Variants in MEGF10 observed in about 807,000 individuals in gnomAD.
MEGF10 encodes multiple epidermal growth factor-like domains protein 10.
In MEGF10, 86 loss-of-function variants were observed where a neutral mutation model predicts 147.5. That is an observed-to-expected ratio of 0.58 (90% CI 0.49 to 0.70). The LOEUF (loss-of-function observed/expected upper bound fraction) is 0.70, where lower values mean the gene tolerates loss of function less well. Among genes scored for constraint, MEGF10 ranks in the 30% least tolerant of loss-of-function variants. MEGF10 has a pLI of 0.00. For missense variants in MEGF10, 1,329 were observed against 1,487.3 expected (o/e 0.89, Z 1.75); for synonymous variants, 478 against 525.5 (o/e 0.91, Z 1.24).
chr5:127,242,557 T>A, the MEGF10 span, among the ~76,000 whole-genome samples: 1 of 152,176 alleles, frequency 6.6e-6, no homozygotes, highest in South Asian at 2.1e-4. Context: ...TAAAGTGGAT[T>A]TAAAATTCCA....
chr5:127,306,149 T>A (rs1257993403), intron 1 of MEGF10, among the ~76,000 whole-genome samples: 1 of 152,216 alleles, frequency 6.6e-6, no homozygotes, highest in Non-Finnish European at 1.5e-5. Context: ...TTGGCCAGGT[T>A]GTGCTATTTA....
chr5:127,247,187 T>A, the MEGF10 span, among the ~76,000 whole-genome samples: 4 of 142,350 alleles, frequency 2.8e-5, no homozygotes, highest in African/African-American at 5.2e-5. Flanking sequence ...TTTACAAAAT[T>A]TTAGACAAAA....
chr5:127,443,241 A>G (rs2127020390), intron 19 of MEGF10, 115 bp downstream of exon 19: 4 of 1,124,302 alleles, frequency 3.6e-6, no homozygotes, highest in South Asian at 4.6e-5. Flanking sequence ...ACAACTCTAA[A>G]TGGCATAATT....
intron 4 of MEGF10, among the ~76,000 whole-genome samples, chr5:127,367,256 G>A (rs1762691199): frequency 6.6e-6 from 1 of 152,126 alleles, no homozygotes; most frequent in African/African-American, 2.4e-5. Context: ...AAGAAAGGGA[G>A]AGCAGTGAAT....
chr5:127,343,115 G>A (rs762190724), intron 4 of MEGF10, among the ~76,000 whole-genome samples: 10 of 152,058 alleles, frequency 6.6e-5, no homozygotes, highest in Non-Finnish European at 1.3e-4. Context: ...TCTTGTTTGT[G>A]TTTTCATAGT....
At chr5:127,402,713 T>C (rs1281242315) in intron 8 of MEGF10, 31 bp downstream of exon 8, 2 of 1,609,886 alleles carry the variant, frequency 1.2e-6, no homozygotes, top group South Asian at 1.1e-5. Context: ...TCTCTGACTG[T>C]TTATAATGAT....
At chr5:127,352,877 CAT>C (rs1369619191) in intron 4 of MEGF10, among the ~76,000 whole-genome samples, 1 of 152,184 alleles carries the variant, frequency 6.6e-6, no homozygotes, top group African/African-American at 2.4e-5. Context: ...ACTTTACTAA[CAT>C]ATGCCCCAGA....
chr5:127,326,413 T>G (rs2126773833), intron 1 of MEGF10, among the ~76,000 whole-genome samples: 1 of 152,306 alleles, frequency 6.6e-6, no homozygotes, highest in East Asian at 1.9e-4. Flanking sequence ...AATATGTTAT[T>G]AGAATAACTA....
At chr5:127,267,193 T>G in the MEGF10 span, among the ~76,000 whole-genome samples, 1 of 152,212 alleles carries the variant, frequency 6.6e-6, no homozygotes. Flanking sequence ...GTGGTTTTTG[T>G]CTTTGGTTCT....
At chr5:127,358,166 A>G (rs1580757926) in intron 4 of MEGF10, among the ~76,000 whole-genome samples, 1 of 152,314 alleles carries the variant, frequency 6.6e-6, no homozygotes, top group Non-Finnish European at 1.5e-5. Flanking sequence ...AAATAATCTC[A>G]GCTGTTGTTA....
At chr5:127,402,480 T>G in intron 7 of MEGF10, 66 bp from the exon 8 acceptor site, 1 of 1,541,286 alleles carries the variant, frequency 6.5e-7, no homozygotes, top group South Asian at 1.3e-5. Context: ...TCTTTTCTTC[T>G]TCATCCATCA....
chr5:127,234,625 T>C, the MEGF10 span, among the ~76,000 whole-genome samples: 1 of 152,230 alleles, frequency 6.6e-6, no homozygotes. Flanking sequence ...TCTCATATTA[T>C]GCATATTATA....
the MEGF10 span, among the ~76,000 whole-genome samples, chr5:127,278,472 G>A: frequency 6.6e-6 from 1 of 152,190 alleles, no homozygotes; most frequent in Non-Finnish European, 1.5e-5. Flanking sequence ...ATAGCTGTAG[G>A]AGGAGAACCA....
chr5:127,450,035 T>A (rs1289410647), intron 22 of MEGF10, among the ~76,000 whole-genome samples: 1 of 152,224 alleles, frequency 6.6e-6, no homozygotes, highest in East Asian at 1.9e-4. Context: ...AGAGCAATGC[T>A]ATTTTACATT....
At chr5:127,392,024 A>G (rs775008428) in intron 5 of MEGF10, among the ~76,000 whole-genome samples, 2 of 152,150 alleles carry the variant, frequency 1.3e-5, no homozygotes, top group South Asian at 4.2e-4. Flanking sequence ...AAGAAAAATT[A>G]TCATCTGAGT....
At chr5:127,285,804 C>T (rs1294074156), upstream of MEGF10, among the ~76,000 whole-genome samples, 1 of 152,112 alleles carries the variant, frequency 6.6e-6, no homozygotes. Context: ...CTGAATCCCA[C>T]TACTGGGTAT....
chr5:127,264,121 AC>A, the MEGF10 span, among the ~76,000 whole-genome samples: 1 of 152,160 alleles, frequency 6.6e-6, no homozygotes, highest in East Asian at 1.9e-4. Context: ...AGATGACCTC[AC>A]CTTACATATG....
chr5:127,400,456 C>G (rs1387428407), intron 7 of MEGF10, among the ~76,000 whole-genome samples: 1 of 152,334 alleles, frequency 6.6e-6, no homozygotes, highest in East Asian at 1.9e-4. Context: ...AAAACTAACA[C>G]TTCTCTCTTA....
At chr5:127,336,500 T>G (rs768491778) in intron 2 of MEGF10, among the ~76,000 whole-genome samples, 3 of 152,094 alleles carry the variant, frequency 2.0e-5, no homozygotes, top group Non-Finnish European at 4.4e-5. Context: ...AGGAAATTTA[T>G]GTACTCCAAC....
Sources: gnomAD v4.1 joint callset for allele counts (sites outside exome capture counted in the v4.1 genomes callset) on GRCh38, gnomAD v4.1.1 for gene constraint, MANE v1.5 for transcripts, NCBI Gene and HGNC (gene_info 2026-07-23, HGNC 2026-07-21) for gene names.